Variants in EFL1 observed in about 807,000 individuals in gnomAD.
EFL1 encodes the protein elongation factor-like GTPase 1.
In EFL1, 76 loss-of-function variants were observed where a neutral mutation model predicts 126.7. The observed-to-expected ratio is 0.60, with a 90% CI of 0.50 to 0.73. EFL1 has a LOEUF of 0.73. Among genes scored for constraint, EFL1 ranks in the 30% least tolerant of loss-of-function variants. The pLI, the probability that EFL1 is intolerant of heterozygous loss-of-function variation, is 0.00. For missense variants in EFL1, 1,128 were observed against 1,343.2 expected, an observed-to-expected ratio of 0.84 and a Z score of 2.50; for synonymous variants, 410 against 448.4, an observed-to-expected ratio of 0.91 and a Z score of 1.08.
chr15:82,168,000 A>T (rs575004391), intron 15 of EFL1, among the ~76,000 whole-genome samples: 4 of 152,338 alleles, frequency 2.6e-5, no homozygotes, highest in African/African-American at 7.2e-5. Flanking sequence ...ATGAACATCC[A>T]TACAGCCTCA....
intron 15 of EFL1, among the ~76,000 whole-genome samples, chr15:82,198,185 C>G (rs2074428084): frequency 6.6e-6 from 1 of 152,180 alleles, no homozygotes; most frequent in Non-Finnish European, 1.5e-5. Flanking sequence ...GTGGGAAAGG[C>G]TGCCCCCTTG....
chr15:82,168,616 G>A (rs185281642), intron 15 of EFL1, among the ~76,000 whole-genome samples: 54 of 152,256 alleles, frequency 3.5e-4, no homozygotes, highest in African/African-American at 1.1e-3. Context: ...GGGTTCCAGC[G>A]ATTCTCCCAT....
intron 8 of EFL1, 151 bp from the exon 9 acceptor site, chr15:82,229,261 C>T (rs1440817190): frequency 4.7e-6 from 3 of 639,746 alleles, no homozygotes; most frequent in African/African-American, 1.9e-5. Flanking sequence ...TATAAGAATG[C>T]ACTAAACAGT....
chr15:82,152,232 G>A lies in EFL1; in HGVS notation c.2222C>T (p.Thr741Ile). Reference sequence around the variant, plus strand: ...GGCAAGTTTATTGGGAGTTGTTATGGTGATTAGCCCGTCAGAGTCAACTTG... The same window carrying A: ...GGCAAGTTTATTGGGAGTTGTTATGATGATTAGCCCGTCAGAGTCAACTTG... ...GIQVDSDGLITITTPNKLATL... is the reference protein window; with the variant it reads ...GIQVDSDGLIIITTPNKLATL... Residue 741 changes from threonine to isoleucine, a missense_variant, in exon 18 of 20, where the codon ACC becomes ATC. Physicochemically the swap from Thr to Ile is moderately conservative, Grantham distance 89. Around this residue, in one of 6 missense-constraint regions of EFL1, gnomAD observed 561 missense variants for 641.7 expected, o/e 0.87. Transcript: ENST00000268206. The A allele has an allele frequency of 6.2e-7, 1 of 1,614,174 alleles. No individual in the cohort carries two copies.
chr15:82,130,805 C>T (rs2073633064), intron 19 of EFL1, among the ~76,000 whole-genome samples: 1 of 152,064 alleles, frequency 6.6e-6, no homozygotes, highest in Admixed American at 6.5e-5. Flanking sequence ...CGAGACCGGC[C>T]TGGACAACAT....
At chr15:82,145,832 ATC>A in intron 18 of EFL1, among the ~76,000 whole-genome samples, 1 of 119,928 alleles carries the variant, frequency 8.3e-6, no homozygotes, top group Non-Finnish European at 1.7e-5. Context: ...GCGAAACTCC[ATC>A]TCAAAAAACC....
At chr15:82,251,365 A>C (rs2075019784) in intron 4 of EFL1, among the ~76,000 whole-genome samples, 1 of 152,228 alleles carries the variant, frequency 6.6e-6, no homozygotes, top group Admixed American at 6.5e-5. Context: ...GATAAATGTG[A>C]ATTGGAACAG....
chr15:82,187,848 TC>T lies in EFL1; in HGVS notation c.1751-23865del, dbSNP rs1439528426. ...ACCTACTTAATCTACTTTGACTTAA[TC>T]TCAGTCATATTATTCTATCATTATT... is the stretch of plus-strand genomic sequence containing the variant. On this transcript the variant is annotated intron_variant, in intron 15 of 19. Coordinates refer to ENST00000268206, the MANE Select transcript of EFL1 (RefSeq NM_024580.6). Among the ~76,000 whole-genome samples, 7 of 152,122 alleles carry T rather than the reference TC, an allele frequency of 4.6e-5. 1 individual carries two copies. The highest frequency in any genetic ancestry group is 1.7e-4 in the African/African-American group (7 of 41,408).
intron 15 of EFL1, among the ~76,000 whole-genome samples, chr15:82,212,525 T>C (rs1303655750): frequency 6.6e-6 from 1 of 152,230 alleles, no homozygotes; most frequent in Admixed American, 6.5e-5. Flanking sequence ...GAAAAACAAT[T>C]ACTATATGTT....
At chr15:82,246,061 T>C (rs2141332322) in intron 4 of EFL1, among the ~76,000 whole-genome samples, 1 of 152,124 alleles carries the variant, frequency 6.6e-6, no homozygotes, top group East Asian at 1.9e-4. Context: ...TCTCCAGACC[T>C]TCCTCCAACA....
At position 82,242,064 on chromosome 15, in the gene EFL1, T is replaced by A. The variant is rs569052707; in HGVS notation, c.245-661A>T. Among the ~76,000 whole-genome samples, 9 of 152,192 alleles carry A rather than the reference T, an allele frequency of 5.9e-5. No homozygotes were observed. The East Asian group carries it at 7.7e-4, about 13-fold the overall frequency. Reference sequence around the variant, plus strand: ...TTTTAGCACGGAAATTCCCACATCCTATCAAAGCCCTTAGTCCCAGGCAAA... The same window carrying A: ...TTTTAGCACGGAAATTCCCACATCCAATCAAAGCCCTTAGTCCCAGGCAAA... On this transcript the variant is annotated intron_variant, in intron 4 of 19. Coordinates refer to ENST00000268206, the MANE Select transcript of EFL1 (RefSeq NM_024580.6).
In EFL1 at chr15:82,136,715, A is replaced by G. The variant is rs557028591; in HGVS notation, c.3174+1943T>C. The stretch of plus-strand genomic sequence containing the variant: ...TGTTCTTATGTAAAAGTTGAATGCC[A>G]AAAACCAAAACCAAAACTAAAAAGC... On this transcript the variant is annotated intron_variant, in intron 19 of 19. Transcript: ENST00000268206. 2.0e-5 allele frequency among the ~76,000 whole-genome samples: 3 copies of G among 152,314 alleles called. No homozygotes were observed. In the South Asian group the frequency reaches 6.2e-4, roughly 32 times the overall value.
At position 82,183,351 on chromosome 15, in the gene EFL1, G is replaced by GT. The variant is rs377077975; in HGVS notation, c.1751-19368dup. Among the ~76,000 whole-genome samples the GT allele has an allele frequency of 1.2e-3, 179 of 152,208 alleles. 1 individual carries two copies. The highest frequency in any genetic ancestry group is 4.1e-3 in the African/African-American group (171 of 41,530). On this transcript the variant is annotated intron_variant, in intron 15 of 19. Transcript: ENST00000268206. ...AAAAATAAACTTGGCAGCAAAGTTTGTTTTTTAGCAGGCAGCTTTCTCACT... is the reference window on the plus strand; with the variant it reads ...AAAAATAAACTTGGCAGCAAAGTTTGTTTTTTTAGCAGGCAGCTTTCTCACT...
chr15:82,205,920 C>A (rs1334171153), intron 15 of EFL1, among the ~76,000 whole-genome samples: 2 of 152,180 alleles, frequency 1.3e-5, no homozygotes, highest in African/African-American at 4.8e-5. Flanking sequence ...AATTAACAGA[C>A]ACATCTTAAG....
Position 82,228,197 on chromosome 15 carries a change from C to G in EFL1, c.1063G>C (p.Val355Leu). 2 of 1,609,352 alleles carry G rather than the reference C, an allele frequency of 1.2e-6. No homozygotes were observed. Among genetic ancestry groups the G allele is most frequent in the Non-Finnish European group, 1.7e-6 (2 of 1,178,878 alleles). The change falls in exon 10 of 20, where the codon GTT (valine) becomes CTT (leucine). Residue 355 changes from valine to leucine, a missense_variant. By Grantham distance (32) the Val-to-Leu change is conservative. Coordinates refer to ENST00000268206, the MANE Select transcript of EFL1 (RefSeq NM_024580.6). ...CCATTAGAATAAAGGATACCAAGAA[C>G]AGCATGGGATATGGGTAGCCACTGA... The part of the protein sequence containing the change: ...CSQWLPISHA[V>L]LAMVCQKLPS...
chr15:82,233,466 G>A (rs953756069), intron 7 of EFL1, among the ~76,000 whole-genome samples: 1 of 152,060 alleles, frequency 6.6e-6, no homozygotes, highest in Non-Finnish European at 1.5e-5. Context: ...TGAAATTACT[G>A]AGCCACACAC....
intron 4 of EFL1, among the ~76,000 whole-genome samples, chr15:82,244,093 G>C (rs1047881783): frequency 5.3e-5 from 8 of 152,206 alleles, no homozygotes; most frequent in African/African-American, 1.9e-4. Context: ...GCTTGGCTCA[G>C]CTCTGAGCCA....
Position 82,227,513 on chromosome 15 carries a change from G to C in EFL1, c.1129C>G (p.Leu377Val). The change falls in exon 11 of 20, where the codon CTG (leucine) becomes GTG (valine). Residue 377 changes from leucine to valine, a missense_variant. Leu to Val is a conservative substitution (Grantham distance 32). This residue lies in a region of EFL1 where 316 missense variants were observed against 318.5 expected (regional missense o/e 0.99). Coordinates refer to ENST00000268206, the MANE Select transcript of EFL1 (RefSeq NM_024580.6). ...LDITAERVERLMCTGSQTFDS... is the reference protein window; with the variant it reads ...LDITAERVERVMCTGSQTFDS... ...AAAGTTTGTGATCCTGTGCACATCA[G>C]TCTCTCCACTCTCTCAGCTGTAATA... 1.2e-6 allele frequency: 2 copies of C among 1,614,172 alleles called. No individual in the cohort carries two copies. The highest frequency in any genetic ancestry group is 1.7e-6 in the Non-Finnish European group (2 of 1,180,010).
rs1036142926 is a variant in EFL1, at chr15:82,181,197, C to A, written c.1751-17213G>T. Among the ~76,000 whole-genome samples the A allele has an allele frequency of 2.0e-5, 3 of 152,220 alleles. No individual in the cohort carries two copies. The East Asian group carries it at 5.8e-4, about 29-fold the overall frequency. On this transcript the variant is annotated intron_variant, in intron 15 of 19. Transcript: ENST00000268206. ...ATTTCCCTTTCATTTATATATGGTA[C>A]CTTCTGTAACTCAATATATGGTTTT...
Sources: allele counts gnomAD v4.1 joint callset (sites outside exome capture counted in the v4.1 genomes callset), GRCh38; gene constraint gnomAD v4.1.1; regional missense constraint gnomAD v4.1.1; transcripts MANE v1.5; gene names NCBI Gene and HGNC (gene_info 2026-07-23, HGNC 2026-07-21).